Variants in PDE4D observed in about 807,000 individuals in gnomAD.
PDE4D encodes the protein 3',5'-cyclic-AMP phosphodiesterase 4D.
A neutral mutation model predicts 87.4 loss-of-function variants in PDE4D; 24 were observed. That is an observed-to-expected ratio of 0.27 (90% CI 0.20 to 0.39). The LOEUF is 0.39. Ranked by LOEUF, PDE4D falls within the 10% of genes least tolerant of loss-of-function variation. The pLI, the probability that PDE4D is intolerant of heterozygous loss-of-function variation, is 1.00. For missense variants in PDE4D, 714 were observed against 1,041.0 expected, an observed-to-expected ratio of 0.69 and a Z score of 4.32; for synonymous variants, 384 against 383.2, an observed-to-expected ratio of 1.00 and a Z score of -0.02.
At chr5:60,521,968 T>G (rs11960912) in intron 1 of PDE4D, 1 of 151,528 alleles carries the variant, frequency 6.6e-6, no homozygotes, top group African/African-American at 2.4e-5. Context: ...CCTCAGTTCA[T>G]TCCCTGTAGT....
chr5:60,431,461 C>T (rs2150114872), intron 1 of PDE4D, among the ~76,000 whole-genome samples: 1 of 151,326 alleles, frequency 6.6e-6, no homozygotes, highest in South Asian at 2.1e-4. Context: ...GCTCTCCCCA[C>T]ATCTCAGACG....
intron 1 of PDE4D, among the ~76,000 whole-genome samples, chr5:60,320,209 C>T (rs898205117): frequency 5.3e-5 from 8 of 152,236 alleles, no homozygotes; most frequent in South Asian, 4.1e-4. Flanking sequence ...GCCTTGCTGC[C>T]GCCTTGCAGT....
chr5:59,297,400 T>G (rs11744760), intron 1 of PDE4D, among the ~76,000 whole-genome samples: 21,144 of 152,182 alleles, frequency 0.14, 1,720 homozygotes, highest in South Asian at 0.23. Context: ...GATATATCAA[T>G]AAATACTTAT....
At chr5:59,275,351 C>T in intron 1 of PDE4D, 1 of 1,596,570 alleles carries the variant, frequency 6.3e-7, no homozygotes, top group Non-Finnish European at 8.5e-7. Flanking sequence ...ACTGCCTCTG[C>T]AGTCCTTAGG....
chr5:59,177,898 C>G (rs1011689334), intron 5 of PDE4D, among the ~76,000 whole-genome samples: 2 of 152,098 alleles, frequency 1.3e-5, no homozygotes, highest in African/African-American at 2.4e-5. Context: ...AGGTCTGACC[C>G]CTATCAACAG....
intron 2 of PDE4D, among the ~76,000 whole-genome samples, chr5:60,047,178 A>G (rs1237590306): frequency 6.6e-6 from 1 of 152,032 alleles, no homozygotes; most frequent in African/African-American, 2.4e-5. Flanking sequence ...GTATTCTCTG[A>G]TGGTAGTTTG....
intron 1 of PDE4D, among the ~76,000 whole-genome samples, chr5:59,640,600 G>A (rs950975753): frequency 1.2e-4 from 19 of 152,318 alleles, no homozygotes; most frequent in African/African-American, 4.3e-4. Context: ...CTGTCCCACT[G>A]GACAGAGCCT....
rs537146752 is a variant in PDE4D at position 59,605,705 on chromosome 5, A to G, written c.455+287463T>C. ...GGGAGATGGGAGACAGTGTCTTCCA[A>G]TTACAAAGACCATGCTCCTGATATT... On this transcript the variant is annotated intron_variant, in intron 1 of 14. Coordinates refer to ENST00000340635, the MANE Select transcript of PDE4D (RefSeq NM_001104631.2). 3.0e-4 allele frequency among the ~76,000 whole-genome samples: 45 copies of G among 152,214 alleles called. 1 individual carries two copies. The highest frequency in any genetic ancestry group is 1.0e-3 in the African/African-American group (42 of 41,540).
intron 1 of PDE4D, chr5:60,429,778 A>G: frequency 3.4e-6 from 1 of 290,168 alleles, no homozygotes; most frequent in Non-Finnish European, 6.7e-6. Flanking sequence ...TGATTTGCAT[A>G]TGTTGAAATC....
intron 1 of PDE4D, among the ~76,000 whole-genome samples, chr5:59,448,154 C>A (rs938183816): frequency 6.6e-6 from 1 of 152,204 alleles, no homozygotes; most frequent in Non-Finnish European, 1.5e-5. Context: ...GGATGTTGAG[C>A]TGGTAAAGGC....
intron 1 of PDE4D, among the ~76,000 whole-genome samples, chr5:60,337,257 C>CG (rs1409629911): frequency 6.7e-6 from 1 of 149,238 alleles, no homozygotes; most frequent in Non-Finnish European, 1.5e-5. Context: ...CACTTGAACC[C>CG]GGGGGGTAGA....
intron 5 of PDE4D, among the ~76,000 whole-genome samples, chr5:59,044,125 C>T (rs555840191): frequency 0.012 from 1,885 of 152,284 alleles, 50 homozygotes; most frequent in African/African-American, 0.043. Flanking sequence ...CTTGAGGAAT[C>T]GCCACACTGT....
At chr5:59,690,145 A>C (rs1408670295) in intron 1 of PDE4D, among the ~76,000 whole-genome samples, 1 of 152,204 alleles carries the variant, frequency 6.6e-6, no homozygotes, top group African/African-American at 2.4e-5. Flanking sequence ...ACACTGCCCA[A>C]GGTAATTTAT....
rs1783958123 is a variant in PDE4D, at chr5:59,176,757, AT to A, written c.808+3837del. Among the ~76,000 whole-genome samples, 3 of 152,270 alleles carry A rather than the reference AT, an allele frequency of 2.0e-5. No homozygotes were observed. In the South Asian group the frequency reaches 6.2e-4, roughly 32 times the overall value. On this transcript the variant is annotated intron_variant, in intron 5 of 14. Transcript: ENST00000340635. ...TACAGAAAAGTGATAGAGAATTAATATTTCTCCTTCAAACAACTATGACTCA... is the reference window on the plus strand; with the variant it reads ...TACAGAAAAGTGATAGAGAATTAATATTCTCCTTCAAACAACTATGACTCA...
Position 59,236,493 on chromosome 5 carries a change from A to C in PDE4D, c.456-20525T>G, listed in dbSNP as rs145385447. 6.9e-3 allele frequency among the ~76,000 whole-genome samples: 1,047 copies of C among 152,298 alleles called. 11 individuals carry two copies. The highest frequency in any genetic ancestry group is 0.024 in the African/African-American group (1,012 of 41,562). ...CTGGATCCAGGAATCTCTATTTTCA[A>C]AAGGCTGTCATAGCTATTTGATGTG... On this transcript the variant is annotated intron_variant, in intron 1 of 14. Transcript: ENST00000340635.
intron 2 of PDE4D, among the ~76,000 whole-genome samples, chr5:60,156,419 G>A (rs1232400888): frequency 6.6e-6 from 1 of 152,100 alleles, no homozygotes; most frequent in African/African-American, 2.4e-5. Flanking sequence ...TCCTCCAGAA[G>A]TCCCAGTTAC....
At chr5:59,487,203 T>G (rs143980701) in intron 1 of PDE4D, among the ~76,000 whole-genome samples, 1 of 152,112 alleles carries the variant, frequency 6.6e-6, no homozygotes, top group Admixed American at 6.6e-5. Flanking sequence ...TAAGAAGAGA[T>G]GTAACAATGA....
chr5:59,324,053 CCT>C (rs1020339422), intron 1 of PDE4D, among the ~76,000 whole-genome samples: 1 of 151,948 alleles, frequency 6.6e-6, no homozygotes, highest in African/African-American at 2.4e-5. Flanking sequence ...TACCTGATAC[CCT>C]CTCTCTCCTT....
At chr5:59,418,912 A>G (rs549892654) in intron 1 of PDE4D, among the ~76,000 whole-genome samples, 1 of 152,280 alleles carries the variant, frequency 6.6e-6, no homozygotes, top group East Asian at 1.9e-4. Flanking sequence ...GGCCTCCCAG[A>G]CTGCTAGGAT....
Sources: allele counts gnomAD v4.1 joint callset (sites outside exome capture counted in the v4.1 genomes callset), GRCh38; gene constraint gnomAD v4.1.1; transcripts MANE v1.5; gene names NCBI Gene and HGNC (gene_info 2026-07-23, HGNC 2026-07-21).